The following ZNF827 variants were observed in gnomAD, a reference collection of about 807,000 sequenced individuals.
ZNF827 encodes the protein zinc finger protein 827.
A neutral mutation model predicts 102.4 loss-of-function variants in ZNF827; 13 were observed. The observed-to-expected ratio is 0.13, with a 90% confidence interval of 0.08 to 0.20. The LOEUF (loss-of-function observed/expected upper bound fraction) is 0.20, where lower values mean the gene tolerates loss of function less well. Among genes scored for constraint, ZNF827 ranks in the 10% least tolerant of loss-of-function variants. The pLI is 1.00. For missense variants in ZNF827, 1,103 were observed against 1,344.4 expected (o/e 0.82, Z 2.81); for synonymous variants, 523 against 536.2 (o/e 0.98, Z 0.34).
At chr4:145,893,935 A>G (rs376722231) in intron 2 of ZNF827, among the ~76,000 whole-genome samples, 21 of 152,088 alleles carry the variant, frequency 1.4e-4, no homozygotes, top group Admixed American at 2.0e-4. Context: ...AAGACTTAAG[A>G]GATATATACA....
At chr4:145,825,855 C>A (rs1177697945) in intron 7 of ZNF827, among the ~76,000 whole-genome samples, 1 of 152,156 alleles carries the variant, frequency 6.6e-6, no homozygotes, top group Non-Finnish European at 1.5e-5. Flanking sequence ...ACCCTGGATG[C>A]CAGCTTTATC....
chr4:145,829,165 T>G (rs922713362), intron 7 of ZNF827, among the ~76,000 whole-genome samples: 6 of 152,050 alleles, frequency 3.9e-5, no homozygotes, highest in Admixed American at 2.6e-4. Context: ...AGATTTTTTT[T>G]CTAAGAGACA....
Position 145,870,392 on chromosome 4 carries a change from G to A in ZNF827, c.1834C>T (p.Arg612Trp), listed in dbSNP as rs752464584. ...TCCGGGCTGAACACATAGCTGGACC[G>A]AGGCAAAGTCGTGCTTAGGGACTCC... ...EGESLSTTLP[R>W]SSYVFSPESE... The change falls in exon 5 of 15, where the codon CGG becomes TGG. Residue 612 changes from arginine to tryptophan, a missense_variant. Transcript: ENST00000508784. 8.1e-6 allele frequency: 13 copies of A among 1,613,994 alleles called. No homozygotes were observed. The highest frequency in any genetic ancestry group is 4.0e-5 in the African/African-American group (3 of 74,910).
intron 2 of ZNF827, among the ~76,000 whole-genome samples, chr4:145,897,173 C>A (rs1294692191): frequency 1.3e-5 from 2 of 152,136 alleles, no homozygotes; most frequent in Non-Finnish European, 1.5e-5. Context: ...TGCTGCTCTA[C>A]CTATTGTCTA....
intron 4 of ZNF827, among the ~76,000 whole-genome samples, chr4:145,878,772 G>A (rs772244022): frequency 6.3e-4 from 79 of 126,350 alleles, no homozygotes; most frequent in Non-Finnish European, 9.7e-4. Flanking sequence ...AGGAAGGAAA[G>A]AAGGAAAGGA....
intron 4 of ZNF827, among the ~76,000 whole-genome samples, chr4:145,881,837 A>G (rs1036789293): frequency 6.6e-6 from 1 of 152,198 alleles, no homozygotes; most frequent in Admixed American, 6.5e-5. Context: ...CAGGAACAAA[A>G]CTGCACTGAT....
At chr4:145,870,604 C>T (rs1302876367) in intron 4 of ZNF827, 126 bp from the exon 5 acceptor site, 2 of 811,004 alleles carry the variant, frequency 2.5e-6, no homozygotes, top group South Asian at 1.8e-5. Context: ...ATCACAACCT[C>T]ATCAGAACAG....
At chr4:145,836,203 C>T (rs548583131) in intron 7 of ZNF827, among the ~76,000 whole-genome samples, 5 of 151,682 alleles carry the variant, frequency 3.3e-5, no homozygotes, top group Admixed American at 2.6e-4. Context: ...TAAAAACACA[C>T]GTGCTCTCCC....
chr4:145,861,120 C>G (rs1178500716), intron 5 of ZNF827, among the ~76,000 whole-genome samples: 1 of 152,186 alleles, frequency 6.6e-6, no homozygotes, highest in Non-Finnish European at 1.5e-5. Flanking sequence ...CAGCATGTAT[C>G]CAGATGGGCA....
At chr4:145,773,954 G>C (rs6537376) in intron 11 of ZNF827, among the ~76,000 whole-genome samples, 7,030 of 152,198 alleles carry the variant, frequency 0.046, 530 homozygotes, top group African/African-American at 0.16. Flanking sequence ...ATGATACAGA[G>C]AGCAAGCTCT....
At chr4:145,826,913 AT>A (rs1378518069) in intron 7 of ZNF827, among the ~76,000 whole-genome samples, 1 of 151,932 alleles carries the variant, frequency 6.6e-6, no homozygotes, top group Non-Finnish European at 1.5e-5. Flanking sequence ...CGCCCGACTA[AT>A]TTTTGTATTC....
At chr4:145,790,074 G>A (rs1739457297) in intron 8 of ZNF827, among the ~76,000 whole-genome samples, 2 of 152,168 alleles carry the variant, frequency 1.3e-5, no homozygotes, top group Non-Finnish European at 2.9e-5. Context: ...CTTATAGTCT[G>A]TTCTTTCAAC....
rs1056374240 is a variant in ZNF827, at chr4:145,763,904, T to G, written c.3231-782A>C. Among the ~76,000 whole-genome samples the G allele has an allele frequency of 6.6e-6, 1 of 151,390 alleles. No individual in the cohort carries two copies. Among genetic ancestry groups the G allele is most frequent in the Non-Finnish European group, 1.5e-5 (1 of 67,854 alleles). ...ACGAAATGGAGTTCAACGGAGGTCC[T>G]GTTGTTCCCTGACTCTTCTATGTGG... On this transcript the variant is annotated intron_variant, in intron 13 of 14. Coordinates refer to ENST00000508784, the MANE Select transcript of ZNF827 (RefSeq NM_001306215.2). This position sits in a 1 kb window ranked among gnomAD's most constrained non-coding sequence, Gnocchi z 4.6.
intron 9 of ZNF827, among the ~76,000 whole-genome samples, chr4:145,778,469 C>T (rs761298543): frequency 3.9e-5 from 6 of 151,984 alleles, no homozygotes; most frequent in Non-Finnish European, 5.9e-5. Context: ...GTTAGCTGGG[C>T]ATAGTGGCAG....
intron 8 of ZNF827, among the ~76,000 whole-genome samples, chr4:145,787,068 T>A (rs1738962205): frequency 1.3e-5 from 2 of 152,316 alleles, no homozygotes; most frequent in Non-Finnish European, 2.9e-5. Flanking sequence ...TCTGCAGGTC[T>A]TGGCAGAACC....
At chr4:145,782,764 C>T (rs1182116152) in intron 8 of ZNF827, among the ~76,000 whole-genome samples, 2 of 152,176 alleles carry the variant, frequency 1.3e-5, no homozygotes, top group African/African-American at 4.8e-5. Context: ...CTTTGGCCAC[C>T]TCCCACCACC....
At chr4:145,847,452 G>C (rs1746104841) in intron 6 of ZNF827, among the ~76,000 whole-genome samples, 1 of 152,154 alleles carries the variant, frequency 6.6e-6, no homozygotes, top group South Asian at 2.1e-4. Flanking sequence ...CTTTGTGAGA[G>C]GGGATATAAA....
intron 4 of ZNF827, 38 bp from the exon 5 acceptor site, chr4:145,870,516 G>T: frequency 6.4e-7 from 1 of 1,574,768 alleles, no homozygotes; most frequent in South Asian, 1.1e-5. Flanking sequence ...ATACATAAAA[G>T]GCCACTCCCC....
chr4:145,807,342 A>G (rs1457467948), intron 8 of ZNF827, among the ~76,000 whole-genome samples: 2 of 152,230 alleles, frequency 1.3e-5, no homozygotes, highest in Non-Finnish European at 2.9e-5. Context: ...TCTTTATAGA[A>G]GTGTTTCATG....
Sources: allele counts gnomAD v4.1 joint callset (sites outside exome capture counted in the v4.1 genomes callset), GRCh38; gene constraint gnomAD v4.1.1; non-coding constraint Gnocchi (gnomAD v3.1); transcripts MANE v1.5; gene names NCBI Gene and HGNC (gene_info 2026-07-23, HGNC 2026-07-21).